The following PEBP4 variants were observed in gnomAD, a reference collection of about 807,000 sequenced individuals.
PEBP4 encodes the protein phosphatidylethanolamine binding protein 4.
Under a neutral mutation model 23.9 loss-of-function variants are expected in PEBP4, and 22 were observed. The ratio of observed to expected loss-of-function variants is 0.92; its 90% CI spans 0.66 to 1.31. The LOEUF (loss-of-function observed/expected upper bound fraction) is 1.31. PEBP4 is among the 40% of genes most tolerant of loss of function. The pLI, the probability that PEBP4 is intolerant of heterozygous loss-of-function variation, is 0.00. For synonymous variants in PEBP4, 112 were observed against 99.3 expected (o/e 1.13, Z -0.76); for missense variants, 324 against 281.7 (o/e 1.15, Z -1.07).
intron 4 of PEBP4, among the ~76,000 whole-genome samples, chr8:22,791,490 G>A (rs565124209): frequency 3.3e-5 from 5 of 151,882 alleles, no homozygotes; most frequent in Non-Finnish European, 5.9e-5. Flanking sequence ...CCAAGGGTGC[G>A]ATCGACTACC....
intron 6 of PEBP4, among the ~76,000 whole-genome samples, chr8:22,724,414 T>A (rs773655279): frequency 1.3e-5 from 2 of 152,182 alleles, no homozygotes; most frequent in Non-Finnish European, 2.9e-5. Context: ...ACCCAGTAAT[T>A]AGCAACCCAT....
intron 4 of PEBP4, among the ~76,000 whole-genome samples, chr8:22,762,945 A>C (rs944784224): frequency 7.2e-5 from 11 of 152,054 alleles, no homozygotes; most frequent in African/African-American, 2.4e-4. Context: ...CTCTTCCTAC[A>C]CAAGAACGAC....
intron 3 of PEBP4, among the ~76,000 whole-genome samples, chr8:22,868,391 C>T (rs755243213): frequency 1.2e-4 from 18 of 152,056 alleles, no homozygotes; most frequent in South Asian, 2.1e-4. Flanking sequence ...TGGGTGTGCC[C>T]GGTGTGTGTG....
At chr8:22,799,062 A>G (rs2128758399) in intron 4 of PEBP4, among the ~76,000 whole-genome samples, 1 of 152,244 alleles carries the variant, frequency 6.6e-6, no homozygotes, top group East Asian at 1.9e-4. Flanking sequence ...AGACCTGGAT[A>G]CAATAAAAAT....
At chr8:22,787,790 C>A (rs538989199) in intron 4 of PEBP4, among the ~76,000 whole-genome samples, 4 of 152,100 alleles carry the variant, frequency 2.6e-5, no homozygotes, top group African/African-American at 7.2e-5. Context: ...GTGGGAGTTT[C>A]CTAGGTGAGA....
chr8:22,819,927 G>T (rs1806822682), intron 3 of PEBP4, among the ~76,000 whole-genome samples: 1 of 152,086 alleles, frequency 6.6e-6, no homozygotes, highest in African/African-American at 2.4e-5. Flanking sequence ...TTAAAGAGGG[G>T]GATGATGTTT....
chr8:22,725,639 G>A (rs149397911), intron 5 of PEBP4, among the ~76,000 whole-genome samples: 2,166 of 152,220 alleles, frequency 0.014, 25 homozygotes, highest in Non-Finnish European at 0.022. Context: ...CTGCTGGCCT[G>A]GCCTAGGTCT....
intron 3 of PEBP4, among the ~76,000 whole-genome samples, chr8:22,919,790 C>T (rs1315171582): frequency 6.6e-6 from 1 of 152,184 alleles, no homozygotes; most frequent in East Asian, 1.9e-4. Flanking sequence ...GGCCCAGGCA[C>T]CCCGCGCCTT....
chr8:22,745,193 C>T (rs1004619960), intron 4 of PEBP4, among the ~76,000 whole-genome samples: 5 of 152,178 alleles, frequency 3.3e-5, no homozygotes, highest in South Asian at 4.1e-4. Context: ...GGGTTATGCC[C>T]GGGCCTGGGG....
intron 4 of PEBP4, among the ~76,000 whole-genome samples, chr8:22,729,313 C>A (rs1453529262): frequency 1.3e-5 from 2 of 152,264 alleles, no homozygotes; most frequent in African/African-American, 4.8e-5. Context: ...GCCCTGAGCT[C>A]CTCAGCCTCC....
chr8:22,898,422 A>C lies in PEBP4; in HGVS notation c.258+21762T>G, dbSNP rs1257860182. On this transcript the variant is annotated intron_variant, in intron 3 of 6. Transcript: ENST00000256404. Reference sequence around the variant, plus strand: ...AAAAAAAAAAAAAAAAAAAAAAAAAAAAAAAAAAACCCACCCAGTCTATGG... The same window carrying C: ...AAAAAAAAAAAAAAAAAAAAAAAAACAAAAAAAAACCCACCCAGTCTATGG... 5.3e-3 allele frequency among the ~76,000 whole-genome samples: 558 copies of C among 105,640 alleles called. 15 individuals carry two copies. Among genetic ancestry groups the C allele is most frequent in the Middle Eastern group, 0.048 (9 of 186 alleles). 69.3% of individuals were successfully genotyped at this position (105,640 alleles called of 152,430 possible).
chr8:22,732,283 C>T (rs1804754260), intron 4 of PEBP4, among the ~76,000 whole-genome samples: 2 of 151,962 alleles, frequency 1.3e-5, no homozygotes, highest in African/African-American at 4.8e-5. Context: ...TTAGAAGGAC[C>T]CTTAAATGCT....
chr8:22,845,133 T>G (rs1223864516), intron 3 of PEBP4, among the ~76,000 whole-genome samples: 1 of 152,102 alleles, frequency 6.6e-6, no homozygotes, highest in African/African-American at 2.4e-5. Flanking sequence ...ATCCCCTATA[T>G]CAGCCTTCTA....
chr8:22,715,140 T>C (rs1430360151), intron 6 of PEBP4, among the ~76,000 whole-genome samples: 1 of 152,196 alleles, frequency 6.6e-6, no homozygotes, highest in Non-Finnish European at 1.5e-5. Flanking sequence ...ACTCAGTGAC[T>C]GCATGCTCAG....
chr8:22,731,575 T>A (rs1360796458), intron 4 of PEBP4, among the ~76,000 whole-genome samples: 1 of 150,934 alleles, frequency 6.6e-6, no homozygotes, highest in African/African-American at 2.4e-5. Context: ...GTAGTTGGAT[T>A]TTTGACTTTG....
intron 1 of PEBP4, among the ~76,000 whole-genome samples, chr8:22,938,228 C>T (rs1254273080): frequency 6.6e-6 from 1 of 152,194 alleles, no homozygotes; most frequent in Non-Finnish European, 1.5e-5. Flanking sequence ...CCGTCCTCTT[C>T]ACTGTGTAGA....
At position 22,775,482 on chromosome 8, in the gene PEBP4, G is replaced by A. The variant is rs774545504; in HGVS notation, c.357+42155C>T. ...CGTGGGTGGTGTTCACGTATGGAGG[G>A]GGGGGATTTCTTTTTAAGAGACAAG... is the stretch of plus-strand genomic sequence containing the variant. On this transcript the variant is annotated intron_variant, in intron 4 of 6. Transcript: ENST00000256404. The surrounding 1 kb of genome is among the most constrained non-coding windows in gnomAD (Gnocchi z 4.8). Among the ~76,000 whole-genome samples the A allele has an allele frequency of 2.0e-5, 3 of 152,184 alleles. No individual in the cohort carries two copies. Among genetic ancestry groups the A allele is most frequent in the Non-Finnish European group, 4.4e-5 (3 of 68,040 alleles).
intron 3 of PEBP4, among the ~76,000 whole-genome samples, chr8:22,868,265 G>A (rs1049933664): frequency 6.6e-6 from 1 of 152,214 alleles, no homozygotes; most frequent in East Asian, 1.9e-4. Flanking sequence ...GTAGTGAGCA[G>A]TCAAGGTGTT....
intron 4 of PEBP4, among the ~76,000 whole-genome samples, chr8:22,727,905 G>C (rs892733516): frequency 1.3e-5 from 2 of 152,060 alleles, no homozygotes; most frequent in African/African-American, 4.8e-5. Context: ...GGATAATGAG[G>C]TGACCCCGGG....
Sources: gnomAD v4.1 joint callset for allele counts (sites outside exome capture counted in the v4.1 genomes callset) on GRCh38, gnomAD v4.1.1 for gene constraint, Gnocchi (gnomAD v3.1) non-coding constraint, MANE v1.5 for transcripts, NCBI Gene and HGNC (gene_info 2026-07-23, HGNC 2026-07-21) for gene names.